Variants in PDSS2 observed in about 807,000 individuals in gnomAD.
PDSS2 encodes the protein decaprenyl diphosphate synthase subunit 2, also known as all trans-polyprenyl-diphosphate synthase PDSS2.
A neutral mutation model predicts 44.5 loss-of-function variants in PDSS2; 31 were observed. The ratio of observed to expected loss-of-function variants is 0.70; its 90% CI spans 0.52 to 0.94. The LOEUF (loss-of-function observed/expected upper bound fraction) is 0.94, where lower values mean the gene tolerates loss of function less well. PDSS2 is among the 40% of genes least tolerant of loss of function. PDSS2 has a pLI of 0.00. For missense variants in PDSS2, 452 were observed against 482.2 expected (o/e 0.94, Z 0.59); for synonymous variants, 157 against 180.3 (o/e 0.87, Z 1.03).
Position 107,207,978 on chromosome 6 carries a change from G to GTTTTTTT in PDSS2, c.1008+2454_1008+2460dup, listed in dbSNP as rs756043067. ...TTTTAGTTTTCTCTGTCTATGACTT[G>GTTTTTTT]TTTTTTTTTTTTTTTTTTTTTTTAT... On this transcript the variant is annotated intron_variant, in intron 6 of 7. Transcript: ENST00000369037. Among the ~76,000 whole-genome samples the GTTTTTTT allele has an allele frequency of 1.6e-3, 106 of 67,530 alleles. 4 individuals are homozygous for GTTTTTTT. Among genetic ancestry groups the GTTTTTTT allele is most frequent in the East Asian group, 3.6e-3 (6 of 1,662 alleles). 44.3% of individuals were successfully genotyped at this position (67,530 alleles called of 152,430 possible).
chr6:107,252,945 C>T (rs1774874004), intron 3 of PDSS2, among the ~76,000 whole-genome samples: 1 of 152,172 alleles, frequency 6.6e-6, no homozygotes, highest in Non-Finnish European at 1.5e-5. Context: ...TGAAACTAGT[C>T]TCGTTAGGCC....
At chr6:107,449,373 T>C (rs1781792157) in intron 1 of PDSS2, among the ~76,000 whole-genome samples, 1 of 152,244 alleles carries the variant, frequency 6.6e-6, no homozygotes, top group African/African-American at 2.4e-5. Context: ...TTCACAGTGT[T>C]GTATAACCAA....
chr6:107,344,705 T>C (rs923798335), intron 1 of PDSS2, among the ~76,000 whole-genome samples: 5 of 152,074 alleles, frequency 3.3e-5, no homozygotes, highest in African/African-American at 1.2e-4. Flanking sequence ...AGGGACTAAA[T>C]CAAGCCAGGA....
At chr6:107,309,300 G>A (rs1312348551) in intron 2 of PDSS2, among the ~76,000 whole-genome samples, 1 of 152,126 alleles carries the variant, frequency 6.6e-6, no homozygotes, top group Non-Finnish European at 1.5e-5. Context: ...AATCAGAGTG[G>A]CCGTAACAGA....
chr6:107,459,429 AC>A lies in PDSS2; in HGVS notation c.-145del. The A allele has an allele frequency of 1.5e-6, 1 of 668,832 alleles. No homozygotes were observed. 41.4% of individuals were successfully genotyped at this position (668,832 alleles called of 1,614,324 possible). A position where few individuals can be genotyped will look rare whatever the true frequency, so the allele number is the denominator to read the frequency against. ...AGTAAGGTGGCTTCCTGGAGCAGTGACCAGAAACGAACTTTAACTGCTGCTT... is the reference window on the plus strand; with the variant it reads ...AGTAAGGTGGCTTCCTGGAGCAGTGACAGAAACGAACTTTAACTGCTGCTT... On this transcript the variant is annotated 5_prime_UTR_variant, in exon 1 of 8. An upstream open reading frame in the 5' UTR loses its in-frame stop. Coordinates refer to ENST00000369037, the MANE Select transcript of PDSS2 (RefSeq NM_020381.4). This position sits in a 1 kb window ranked among gnomAD's most constrained non-coding sequence, Gnocchi z 4.3.
intron 1 of PDSS2, among the ~76,000 whole-genome samples, chr6:107,430,995 T>G (rs1316429541): frequency 6.6e-6 from 1 of 152,196 alleles, no homozygotes; most frequent in Non-Finnish European, 1.5e-5. Context: ...AATTTGCTAT[T>G]CTCCAGGTAG....
rs1012320660 is a variant in PDSS2, at chr6:107,169,883, C to T, written c.1042-15106G>A. Among the ~76,000 whole-genome samples, 7 of 152,258 alleles carry T rather than the reference C, an allele frequency of 4.6e-5. No homozygotes were observed. The Middle Eastern group carries it at 0.014, about 296-fold the overall frequency. ...CCCGGCCGTGTGAGGTGTCAGTCTG[C>T]CCCTACTGGGGGATGCCTCCCAGTT... On this transcript the variant is annotated intron_variant, in intron 7 of 7. Transcript: ENST00000369037.
chr6:107,191,246 A>T (rs1582761974), intron 7 of PDSS2, among the ~76,000 whole-genome samples: 1 of 152,138 alleles, frequency 6.6e-6, no homozygotes, highest in South Asian at 2.1e-4. Flanking sequence ...GGTGGTTTAG[A>T]CAGCCACTCT....
chr6:107,279,133 C>T (rs1376172066), intron 2 of PDSS2, among the ~76,000 whole-genome samples: 1 of 152,024 alleles, frequency 6.6e-6, no homozygotes, highest in African/African-American at 2.4e-5. Flanking sequence ...GCAGGAGAAT[C>T]GCTTCAACCC....
chr6:107,437,750 A>C (rs533733753), intron 1 of PDSS2, among the ~76,000 whole-genome samples: 3 of 152,260 alleles, frequency 2.0e-5, no homozygotes, highest in Admixed American at 2.0e-4. Flanking sequence ...GCGTATAAGT[A>C]GATAGATCTG....
At chr6:107,199,928 C>T (rs1264362719) in intron 6 of PDSS2, among the ~76,000 whole-genome samples, 3 of 152,014 alleles carry the variant, frequency 2.0e-5, no homozygotes, top group Non-Finnish European at 4.4e-5. Flanking sequence ...ATTTTCTCAC[C>T]CACCTTCTAT....
chr6:107,288,220 G>A (rs1238943630), intron 2 of PDSS2, among the ~76,000 whole-genome samples: 1 of 152,142 alleles, frequency 6.6e-6, no homozygotes, highest in African/African-American at 2.4e-5. Flanking sequence ...CAAGCTAAAT[G>A]TCCATTAATG....
At chr6:107,437,346 G>A (rs946694225) in intron 1 of PDSS2, among the ~76,000 whole-genome samples, 2 of 151,958 alleles carry the variant, frequency 1.3e-5, no homozygotes, top group South Asian at 2.1e-4. Flanking sequence ...CCAACATGGC[G>A]AAACCCTGTC....
chr6:107,367,398 A>G (rs1295754723), intron 1 of PDSS2, among the ~76,000 whole-genome samples: 3 of 152,214 alleles, frequency 2.0e-5, no homozygotes, highest in Non-Finnish European at 2.9e-5. Flanking sequence ...CATAAAATGA[A>G]AGACTGAATG....
chr6:107,323,146 G>A (rs529238007), intron 2 of PDSS2, among the ~76,000 whole-genome samples: 3 of 152,284 alleles, frequency 2.0e-5, no homozygotes, highest in African/African-American at 7.2e-5. Flanking sequence ...AGTGGACATG[G>A]GTGGATTGTG....
In PDSS2 at chr6:107,153,698, TA is replaced by T. The variant is rs1770784188; in HGVS notation, c.*920del. On this transcript the variant is annotated 3_prime_UTR_variant, in exon 8 of 8. Transcript: ENST00000369037. ...TAACATTTTAATCTCCTACTTCAAG[TA>T]TTTGGCAACTTTTCGGCAATTTCTC... The T allele has an allele frequency of 6.6e-6, 1 of 152,620 alleles. No individual in the cohort carries two copies. The highest frequency in any genetic ancestry group is 1.5e-5 in the Non-Finnish European group (1 of 68,038). 9.5% of individuals were successfully genotyped at this position (152,620 alleles called of 1,614,324 possible).
At chr6:107,324,566 T>C (rs1777479992) in intron 2 of PDSS2, among the ~76,000 whole-genome samples, 1 of 152,174 alleles carries the variant, frequency 6.6e-6, no homozygotes, top group African/African-American at 2.4e-5. Flanking sequence ...CTTTAGACCA[T>C]TCCCTTATAT....
intron 2 of PDSS2, among the ~76,000 whole-genome samples, chr6:107,297,862 C>T (rs578051753): frequency 1.3e-4 from 20 of 152,230 alleles, no homozygotes; most frequent in Admixed American, 1.0e-3. Flanking sequence ...TCTTGTACCT[C>T]GGACACCCGA....
chr6:107,401,904 G>A (rs1780116010), intron 1 of PDSS2, among the ~76,000 whole-genome samples: 1 of 152,122 alleles, frequency 6.6e-6, no homozygotes, highest in Non-Finnish European at 1.5e-5. Flanking sequence ...AAGCACTTTG[G>A]GAGGCCAAGG....
Sources: allele counts gnomAD v4.1 joint callset (sites outside exome capture counted in the v4.1 genomes callset), GRCh38; gene constraint gnomAD v4.1.1; non-coding constraint Gnocchi (gnomAD v3.1); transcripts MANE v1.5; gene names NCBI Gene and HGNC (gene_info 2026-07-23, HGNC 2026-07-21).